The following HMX1 variants were observed in gnomAD, a reference collection of about 807,000 sequenced individuals.
HMX1 encodes the protein H6 family homeobox 1, also known as homeobox protein HMX1.
HMX1 carries 8 observed loss-of-function variants against 8.9 expected under a neutral mutation model. That is an observed-to-expected ratio of 0.90 (90% CI 0.53 to 1.63). The LOEUF (loss-of-function observed/expected upper bound fraction) is 1.63. Ranked by LOEUF, HMX1 falls within the 40% of genes most tolerant of loss-of-function variation. The pLI, the probability that HMX1 is intolerant of heterozygous loss-of-function variation, is 0.00. For synonymous variants in HMX1, 311 were observed against 283.4 expected (o/e 1.10, Z -0.98); for missense variants, 621 against 558.5 (o/e 1.11, Z -1.13).
chr4:8,870,973 G>A lies in HMX1; in HGVS notation c.394+248C>T, dbSNP rs1722192447. 6.6e-6 allele frequency among the ~76,000 whole-genome samples: 1 copy of A among 151,994 alleles called. No individual in the cohort carries two copies. On this transcript the variant is annotated intron_variant, in intron 1 of 1. Transcript: ENST00000400677. This position sits in a 1 kb window ranked among gnomAD's most constrained non-coding sequence, Gnocchi z 4.4. ...GTCCCCAGCCTCCCTGGGACCGGAG[G>A]AGCCCGGCAATGGGTGAAGCTATGG...
In HMX1 at chr4:8,868,722, C is replaced by G. The variant is rs998496705; in HGVS notation, c.395-377G>C. The stretch of plus-strand genomic sequence containing the variant: ...ACTCCCAGCTGCACCACGGGCGGCC[C>G]GGAAAAACACACAAACCTCCCGCAG... On this transcript the variant is annotated intron_variant, in intron 1 of 1. Transcript: ENST00000400677. This position sits in a 1 kb window ranked among gnomAD's most constrained non-coding sequence, Gnocchi z 4.6. Among the ~76,000 whole-genome samples, 2 of 152,162 alleles carry G rather than the reference C, an allele frequency of 1.3e-5. No homozygotes were observed. Among genetic ancestry groups the G allele is most frequent in the South Asian group, 2.1e-4 (1 of 4,820 alleles).
At chr4:8,863,894 G>C (rs4612014), downstream of HMX1, among the ~76,000 whole-genome samples, 10,076 of 152,300 alleles carry the variant, frequency 0.066, 1,109 homozygotes, top group African/African-American at 0.22. Context: ...GGACAGGACC[G>C]TTAAGCCCAG....
rs1722228577 is a variant in HMX1, at chr4:8,871,605, C to T, written c.10G>A (p.Glu4Lys). Residue 4 changes from glutamate (E) to lysine (K), a missense_variant, in exon 1 of 2, where the codon GAG (glutamate) becomes AAG (lysine). Glu to Lys is a moderately conservative substitution (Grantham distance 56). Coordinates refer to ENST00000400677, the MANE Select transcript of HMX1 (RefSeq NM_018942.3). This position sits in a 1 kb window ranked among gnomAD's most constrained non-coding sequence, Gnocchi z 4.8. MPD[E>K]LTEPGRATPA... is the part of the protein sequence containing the mutation. ...GTGGCGCGCCCGGGCTCCGTCAGCT[C>T]GTCAGGCATCGCGGCCGCGGGCTTC... 2.3e-6 allele frequency: 3 copies of T among 1,303,380 alleles called. No homozygotes were observed. The highest frequency in any genetic ancestry group is 3.8e-5 in the Admixed American group (1 of 26,486). 80.7% of individuals were successfully genotyped at this position (1,303,380 alleles called of 1,614,324 possible).
chr4:8,865,403 C>T (rs533044572), downstream of HMX1, among the ~76,000 whole-genome samples: 14 of 152,242 alleles, frequency 9.2e-5, no homozygotes, highest in East Asian at 1.8e-3. Flanking sequence ...TTGGGAAGGC[C>T]GAGGCAGTGC....
intron 1 of HMX1, among the ~76,000 whole-genome samples, chr4:8,869,591 G>A (rs1239452270): frequency 6.6e-6 from 1 of 152,232 alleles, no homozygotes; most frequent in Non-Finnish European, 1.5e-5. Flanking sequence ...TGCCCAAGGA[G>A]TGTGCACATC....
At chr4:8,862,734 C>T (rs1721869465), downstream of HMX1, among the ~76,000 whole-genome samples, 2 of 152,306 alleles carry the variant, frequency 1.3e-5, no homozygotes, top group East Asian at 1.9e-4. Flanking sequence ...TAATAAAAAG[C>T]ACTATTACTT....
Position 8,868,724 on chromosome 4 carries a change from G to GA in HMX1, c.395-380dup, listed in dbSNP as rs1057414211. ...TCCCAGCTGCACCACGGGCGGCCCG[G>GA]AAAAACACACAAACCTCCCGCAGAA... is the stretch of plus-strand genomic sequence containing the variant. On this transcript the variant is annotated intron_variant, in intron 1 of 1. Transcript: ENST00000400677. This position sits in a 1 kb window ranked among gnomAD's most constrained non-coding sequence, Gnocchi z 4.6. Among the ~76,000 whole-genome samples, 4 of 152,168 alleles carry GA rather than the reference G, an allele frequency of 2.6e-5. No individual in the cohort carries two copies. Among genetic ancestry groups the GA allele is most frequent in the Admixed American group, 6.5e-5 (1 of 15,282 alleles).
rs921998085 is a variant in HMX1, at chr4:8,850,195, G to A, written c.395-3871C>T. The stretch of plus-strand genomic sequence containing the variant: ...CGCTGGGAAACAGATGGGGGTTCCC[G>A]GAAACCCAGGTTCAGCCCAGCACCT... On this transcript the variant is annotated intron_variant, in intron 1 of 1. Coordinates refer to the HMX1 transcript ENST00000506970. Among the ~76,000 whole-genome samples, 10 of 152,206 alleles carry A rather than the reference G, an allele frequency of 6.6e-5. No homozygotes were observed. The South Asian group carries it at 1.2e-3, about 19-fold the overall frequency.
intron 1 of HMX1, among the ~76,000 whole-genome samples, chr4:8,856,332 G>C (rs1194889230): frequency 6.6e-6 from 1 of 152,244 alleles, no homozygotes; most frequent in Non-Finnish European, 1.5e-5. Flanking sequence ...AGAAAGAGCT[G>C]GCGGGGTTGA....
rs543338187 is a variant in HMX1 at position 8,850,249 on chromosome 4, G to A, written c.395-3925C>T. Among the ~76,000 whole-genome samples the A allele has an allele frequency of 9.9e-5, 15 of 152,212 alleles. No homozygotes were observed. In the South Asian group the frequency reaches 1.7e-3, roughly 17 times the overall value. On this transcript the variant is annotated intron_variant, in intron 1 of 1. Coordinates refer to the HMX1 transcript ENST00000506970. ...CCTCACATCTTTGCCCCTCAGAGCC[G>A]ACCTCTGCCCGTGCCCGCCTGCCTG...
Position 8,867,533 on chromosome 4 carries a change from G to C in HMX1, c.*160C>G. On this transcript the variant is annotated 3_prime_UTR_variant, in exon 2 of 2. Coordinates refer to ENST00000400677, the MANE Select transcript of HMX1 (RefSeq NM_018942.3). ...CATTCTAGAGGCGCTCCCCACAGAA[G>C]CTGAGGCCCGCCCGGCCGCGGCCTG... 1 of 1,186,636 alleles carries C rather than the reference G, an allele frequency of 8.4e-7. No homozygotes were observed. Among genetic ancestry groups the C allele is most frequent in the Non-Finnish European group, 1.0e-6 (1 of 959,162 alleles). 73.5% of individuals were successfully genotyped at this position (1,186,636 alleles called of 1,614,324 possible).
intron 1 of HMX1, among the ~76,000 whole-genome samples, chr4:8,852,873 C>T (rs915123444): frequency 6.6e-6 from 1 of 152,148 alleles, no homozygotes. Context: ...GAGAGGAGGC[C>T]CACCTTTGCC....
chr4:8,856,498 G>A (rs1009770056), intron 1 of HMX1, among the ~76,000 whole-genome samples: 10 of 152,076 alleles, frequency 6.6e-5, no homozygotes, highest in Non-Finnish European at 1.5e-4. Flanking sequence ...GGGAAGGGGA[G>A]GAAGAAGGGG....
intron 1 of HMX1, among the ~76,000 whole-genome samples, chr4:8,861,752 T>C (rs1321870606): frequency 6.6e-6 from 1 of 152,204 alleles, no homozygotes; most frequent in East Asian, 1.9e-4. Context: ...GGCGTCTGTC[T>C]GGACCCTCAG....
At chr4:8,859,845 A>G (rs1299486995) in intron 1 of HMX1, among the ~76,000 whole-genome samples, 1 of 152,150 alleles carries the variant, frequency 6.6e-6, no homozygotes, top group Non-Finnish European at 1.5e-5. Flanking sequence ...CTTCCAGGGG[A>G]GGCGGAAGGG....
At chr4:8,869,997 G>C (rs1014643224) in intron 1 of HMX1, among the ~76,000 whole-genome samples, 6 of 152,312 alleles carry the variant, frequency 3.9e-5, no homozygotes, top group African/African-American at 7.2e-5. Context: ...CTACGTGAAG[G>C]GGGTGGGGGC....
At chr4:8,851,784 C>T (rs182890936) in intron 1 of HMX1, among the ~76,000 whole-genome samples, 3 of 152,388 alleles carry the variant, frequency 2.0e-5, no homozygotes, top group East Asian at 1.9e-4. Context: ...ACTCTTCCTC[C>T]TGCTTCCCAG....
chr4:8,852,637 C>A (rs1411407824), intron 1 of HMX1, among the ~76,000 whole-genome samples: 1 of 152,218 alleles, frequency 6.6e-6, no homozygotes, highest in African/African-American at 2.4e-5. Flanking sequence ...AGAACCAGGT[C>A]ACTGGTGCAG....
rs1204638764 is a variant in HMX1 at position 8,847,245 on chromosome 4, G to A, written c.395-921C>T. 1.3e-5 allele frequency among the ~76,000 whole-genome samples: 2 copies of A among 152,116 alleles called. No homozygotes were observed. Among genetic ancestry groups the A allele is most frequent in the East Asian group, 3.9e-4 (2 of 5,192 alleles). On this transcript the variant is annotated intron_variant, in intron 1 of 1. Transcript: ENST00000506970. This position sits in a 1 kb window ranked among gnomAD's most constrained non-coding sequence, Gnocchi z 6.0. ...GCCCAGGAGCTCCAGTCCAGCCTGA[G>A]TAACGTAGCAAGACTCTGTCTTTAA...
Sources: allele counts gnomAD v4.1 joint callset (sites outside exome capture counted in the v4.1 genomes callset), GRCh38; gene constraint gnomAD v4.1.1; non-coding constraint Gnocchi (gnomAD v3.1); transcripts MANE v1.5; gene names NCBI Gene and HGNC (gene_info 2026-07-23, HGNC 2026-07-21).